The following TMEM38B variants were observed in gnomAD, a reference collection of about 807,000 sequenced individuals.
TMEM38B encodes trimeric intracellular cation channel type B.
A neutral mutation model predicts 28.7 loss-of-function variants in TMEM38B; 24 were observed. That is an observed-to-expected ratio of 0.84 (90% CI 0.61 to 1.18). The LOEUF (loss-of-function observed/expected upper bound fraction) is 1.18, where lower values mean the gene tolerates loss of function less well. Among genes scored for constraint, TMEM38B ranks in the 50% most tolerant of loss-of-function variants. TMEM38B has a pLI of 0.00. For synonymous variants in TMEM38B, 131 were observed against 127.7 expected, an observed-to-expected ratio of 1.03 and a Z score of -0.17; for missense variants, 380 against 350.9, an observed-to-expected ratio of 1.08 and a Z score of -0.66.
chr9:105,775,124 A>G lies in TMEM38B; in HGVS notation c.*1044A>G, dbSNP rs919631460. 5 of 152,062 alleles carry G rather than the reference A, an allele frequency of 3.3e-5. No homozygotes were observed. The highest frequency in any genetic ancestry group is 1.2e-4 in the African/African-American group (5 of 41,436). The allele number at this position is 152,062 out of a possible 1,614,324, so 9.4% of individuals were successfully genotyped here. The stretch of plus-strand genomic sequence containing the variant: ...TTTGTTATATTTTCATCTACATGTA[A>G]TGTGTTATTAATTTTATTAAATGAA... On this transcript the variant is annotated 3_prime_UTR_variant, in exon 6 of 6. Coordinates refer to ENST00000374692, the MANE Select transcript of TMEM38B (RefSeq NM_018112.3).
Position 105,774,357 on chromosome 9 carries a change from T to C in TMEM38B, c.*277T>C, listed in dbSNP as rs988230153. The C allele has an allele frequency of 1.3e-5, 3 of 224,084 alleles. No homozygotes were observed. The highest frequency in any genetic ancestry group is 6.8e-5 in the African/African-American group (3 of 44,262). 13.9% of individuals were successfully genotyped at this position (224,084 alleles called of 1,614,324 possible). ...TATTAATAAAAGAAGACAAAATTTT[T>C]TAAATGTTAGAAAAAGCAGATCTGT... On this transcript the variant is annotated 3_prime_UTR_variant, in exon 6 of 6. Transcript: ENST00000374692.
chr9:105,773,195 T>C (rs907027232), intron 5 of TMEM38B, among the ~76,000 whole-genome samples: 14 of 152,172 alleles, frequency 9.2e-5, no homozygotes, highest in African/African-American at 3.4e-4. Context: ...GTGAACACTG[T>C]GCATTTTGCC....
chr9:105,727,288 C>T (rs1303512209), intron 4 of TMEM38B, among the ~76,000 whole-genome samples: 2 of 151,996 alleles, frequency 1.3e-5, no homozygotes, highest in East Asian at 3.9e-4. Flanking sequence ...TTTTTTTCCC[C>T]GAGATCCCAT....
intron 2 of TMEM38B, chr9:105,710,680 T>C: frequency 2.9e-6 from 2 of 696,696 alleles, no homozygotes; most frequent in Non-Finnish European, 5.5e-6. Context: ...AACTATAGGA[T>C]CATAACGACC....
chr9:105,702,210 T>C (rs1431662627), intron 1 of TMEM38B, among the ~76,000 whole-genome samples: 1 of 152,220 alleles, frequency 6.6e-6, no homozygotes, highest in Non-Finnish European at 1.5e-5. Context: ...GGATATGTTG[T>C]TCATTTTTCT....
At chr9:105,768,921 TGTTTACTTTGGG>T (rs1263874395) in intron 5 of TMEM38B, among the ~76,000 whole-genome samples, 1 of 152,214 alleles carries the variant, frequency 6.6e-6, no homozygotes, top group Non-Finnish European at 1.5e-5. Context: ...TCCTTCCTTC[TGTTTACTTTGGG>T]GTTTACTTGG....
intron 2 of TMEM38B, among the ~76,000 whole-genome samples, chr9:105,716,374 T>TTGTGTGTGTGTG (rs139155061): frequency 0.011 from 1,728 of 150,680 alleles, 34 homozygotes; most frequent in East Asian, 0.076. Flanking sequence ...GTTGTAGCAT[T>TTGTGTGTGTGTG]TGTGTGTGTG....
intron 4 of TMEM38B, among the ~76,000 whole-genome samples, chr9:105,745,236 T>A (rs1345546482): frequency 4.6e-5 from 7 of 152,188 alleles, no homozygotes; most frequent in African/African-American, 1.4e-4. Flanking sequence ...CTCCACATCC[T>A]CTCCAGCACC....
intron 5 of TMEM38B, among the ~76,000 whole-genome samples, chr9:105,767,947 A>G (rs1482346176): frequency 1.3e-5 from 2 of 152,150 alleles, no homozygotes; most frequent in Non-Finnish European, 2.9e-5. Flanking sequence ...TATATTGGCT[A>G]GAATGTCCTG....
In TMEM38B at chr9:105,694,586, T is replaced by G. The variant is rs1835204505; in HGVS notation, c.-75T>G. Reference sequence around the variant, plus strand: ...GGAGCGGGCGGCCGCGGCTGTGCCCTCTCCTACTCCTCACCGCGCGAGCGC... The same window carrying G: ...GGAGCGGGCGGCCGCGGCTGTGCCCGCTCCTACTCCTCACCGCGCGAGCGC... On this transcript the variant is annotated 5_prime_UTR_variant, in exon 1 of 6. Transcript: ENST00000374692. 4 of 1,240,456 alleles carry G rather than the reference T, an allele frequency of 3.2e-6. 1 individual carries two copies. The highest frequency in any genetic ancestry group is 4.7e-6 in the Non-Finnish European group (4 of 857,938). The allele number at this position is 1,240,456 out of a possible 1,614,324, so 76.8% of individuals were successfully genotyped here. A position where few individuals can be genotyped will look rare whatever the true frequency, so the allele number is the denominator to read the frequency against.
chr9:105,737,651 G>T (rs1343948893), intron 4 of TMEM38B, among the ~76,000 whole-genome samples: 1 of 152,174 alleles, frequency 6.6e-6, no homozygotes, highest in African/African-American at 2.4e-5. Context: ...CTGGAAGACA[G>T]GGTGGTTCAG....
At position 105,748,115 on chromosome 9, in the gene TMEM38B, C is replaced by G. The variant is rs1190801850; in HGVS notation, c.585C>G (p.Phe195Leu). ...VTLLGSVIFT[F>L]QHTQHLAISK... Reference sequence around the variant, plus strand: ...TGCTGGGGTCAGTTATCTTCACATTCCAGCACACCCAGCATCTGGCAATAT... The same window carrying G: ...TGCTGGGGTCAGTTATCTTCACATTGCAGCACACCCAGCATCTGGCAATAT... Residue 195 changes from phenylalanine (F) to leucine (L), a missense_variant, in exon 5 of 6, where the codon TTC (phenylalanine) becomes TTG (leucine). Phe to Leu is a conservative substitution (Grantham distance 22). Transcript: ENST00000374692. The G allele has an allele frequency of 6.2e-6, 10 of 1,613,602 alleles. No homozygotes were observed. Among genetic ancestry groups the G allele is most frequent in the South Asian group, 1.1e-5 (1 of 91,048 alleles).
intron 2 of TMEM38B, among the ~76,000 whole-genome samples, chr9:105,712,879 C>T (rs546284382): frequency 2.6e-5 from 4 of 152,264 alleles, no homozygotes; most frequent in South Asian, 4.1e-4. Context: ...GTTCCTGCAC[C>T]GGCCAAGGGG....
At position 105,706,814 on chromosome 9, in the gene TMEM38B, CT is replaced by C. The variant is rs760474875; in HGVS notation, c.269+1073del. On this transcript the variant is annotated intron_variant, in intron 2 of 5. Coordinates refer to ENST00000374692, the MANE Select transcript of TMEM38B (RefSeq NM_018112.3). ...AATTGAGCTGCTAAGCAGAGGAAAA[CT>C]TTTTTTTTTTTCTTTTTAACCCTTA... Among the ~76,000 whole-genome samples, 257 of 146,018 alleles carry C rather than the reference CT, an allele frequency of 1.8e-3. 1 individual carries two copies. Among genetic ancestry groups the C allele is most frequent in the African/African-American group, 5.5e-3 (220 of 40,048 alleles).
intron 4 of TMEM38B, among the ~76,000 whole-genome samples, chr9:105,729,091 C>G (rs147493042): frequency 0.022 from 3,313 of 152,280 alleles, 116 homozygotes; most frequent in African/African-American, 0.076. Flanking sequence ...TTAATTAGAT[C>G]CCATTTGTCA....
chr9:105,702,753 T>G (rs1225558547), intron 1 of TMEM38B: 1 of 152,196 alleles, frequency 6.6e-6, no homozygotes, highest in African/African-American at 2.4e-5. Flanking sequence ...CTATCATGGC[T>G]CACTGCAGCC....
At chr9:105,759,130 T>C (rs1837941965) in intron 5 of TMEM38B, 1 of 780,222 alleles carries the variant, frequency 1.3e-6, no homozygotes, top group African/African-American at 1.7e-5. Context: ...CCAACTTATG[T>C]TGGATTTGAA....
rs544195631 is a variant in TMEM38B at position 105,747,971 on chromosome 9, A to G, written c.543-102A>G. ...CAAAACTCATTTTTGCATTACATCT[A>G]TTAATAACCCATTAAGTTAATGTTT... On this transcript the variant is annotated intron_variant, in intron 4 of 5. Transcript: ENST00000374692. The G allele has an allele frequency of 3.3e-5, 25 of 754,800 alleles. No individual in the cohort carries two copies. The South Asian group carries it at 3.8e-4, about 11-fold the overall frequency. The allele number at this position is 754,800 out of a possible 1,614,324, so 46.8% of individuals were successfully genotyped here.
chr9:105,705,912 T>G (rs923823414), intron 2 of TMEM38B, among the ~76,000 whole-genome samples, 159 bp downstream of exon 2: 6 of 151,886 alleles, frequency 4.0e-5, no homozygotes, highest in African/African-American at 1.5e-4. Flanking sequence ...GTTTTTTTTT[T>G]TTTTTTGAGA....
Sources: gnomAD v4.1 joint callset for allele counts (sites outside exome capture counted in the v4.1 genomes callset) on GRCh38, gnomAD v4.1.1 for gene constraint, MANE v1.5 for transcripts, NCBI Gene and HGNC (gene_info 2026-07-23, HGNC 2026-07-21) for gene names.